Variants in KALRN observed in about 807,000 individuals in gnomAD.
KALRN encodes the protein kalirin RhoGEF kinase.
Under a neutral mutation model 353.7 loss-of-function variants are expected in KALRN, and 70 were observed. That is an observed-to-expected ratio of 0.20 (90% CI 0.16 to 0.24). The LOEUF (loss-of-function observed/expected upper bound fraction) is 0.24. KALRN is among the 10% of genes least tolerant of loss of function. The pLI, the probability that KALRN is intolerant of heterozygous loss-of-function variation, is 1.00. For missense variants in KALRN, 2,791 were observed against 3,756.7 expected (o/e 0.74, Z 6.72); for synonymous variants, 1,391 against 1,434.8 (o/e 0.97, Z 0.69).
intron 11 of KALRN, among the ~76,000 whole-genome samples, chr3:124,393,165 C>T (rs933430021): frequency 6.6e-6 from 1 of 152,142 alleles, no homozygotes; most frequent in Non-Finnish European, 1.5e-5. Flanking sequence ...GGGGTTTCGC[C>T]ATGTTGGCCA....
intron 1 of KALRN, among the ~76,000 whole-genome samples, chr3:124,202,105 T>C (rs981176440): frequency 2.0e-5 from 3 of 152,368 alleles, no homozygotes; most frequent in African/African-American, 7.2e-5. Flanking sequence ...TAGCTCAGGT[T>C]GCAAGTATGA....
intron 34 of KALRN, among the ~76,000 whole-genome samples, chr3:124,594,663 T>C (rs1007052554): frequency 6.6e-6 from 1 of 152,220 alleles, no homozygotes; most frequent in South Asian, 2.1e-4. Flanking sequence ...AAGAAATAGA[T>C]CTTTCCAGGA....
intron 14 of KALRN, among the ~76,000 whole-genome samples, chr3:124,416,227 G>A (rs2092488276): frequency 6.6e-6 from 1 of 152,206 alleles, no homozygotes; most frequent in South Asian, 2.1e-4. Flanking sequence ...CTTACTACCG[G>A]GGTGCTGATG....
At chr3:124,494,623 A>G (rs1425541234) in intron 32 of KALRN, among the ~76,000 whole-genome samples, 2 of 152,238 alleles carry the variant, frequency 1.3e-5, no homozygotes, top group African/African-American at 2.4e-5. Flanking sequence ...CAAGCCCACA[A>G]ATGATGGTGA....
At chr3:124,442,453 G>T (rs1171836251) in intron 19 of KALRN, among the ~76,000 whole-genome samples, 3 of 152,172 alleles carry the variant, frequency 2.0e-5, no homozygotes, top group Admixed American at 6.5e-5. Context: ...TACTGATTTT[G>T]ATTCCTGGTT....
chr3:124,545,809 G>A (rs577976719), intron 33 of KALRN, among the ~76,000 whole-genome samples: 46 of 152,288 alleles, frequency 3.0e-4, no homozygotes, highest in Admixed American at 2.0e-3. Context: ...ATGTCCTAGA[G>A]AGCCCAGACC....
chr3:124,051,581 G>A (rs374837194), intron 1 of KALRN, among the ~76,000 whole-genome samples: 2 of 152,100 alleles, frequency 1.3e-5, no homozygotes, highest in Non-Finnish European at 2.9e-5. Flanking sequence ...TAGATTTTTT[G>A]TTCTTCTGCT....
intron 1 of KALRN, among the ~76,000 whole-genome samples, chr3:124,108,171 G>T (rs1278749435): frequency 1.3e-5 from 2 of 152,140 alleles, no homozygotes; most frequent in Non-Finnish European, 2.9e-5. Context: ...TTTGCCCCTT[G>T]CTACCTTGGT....
Position 124,438,924 on chromosome 3 carries a change from C to G in KALRN, c.3085C>G (p.Arg1029Gly). ...SVLESLEQEY[R>G]RDEDWCGGRD... ...CCTGGAGAGCTTAGAGCAAGAATAC[C>G]GGAGAGATGAGGACTGGTGTGGTGG... The change falls in exon 18 of 60, where the codon CGG (arginine) becomes GGG (glycine). Residue 1029 changes from arginine (R) to glycine (G), a missense_variant. Transcript: ENST00000682506. 2 of 1,613,902 alleles carry G rather than the reference C, an allele frequency of 1.2e-6. No homozygotes were observed.
intron 1 of KALRN, among the ~76,000 whole-genome samples, chr3:124,175,922 C>G (rs2072672170): frequency 6.6e-6 from 1 of 152,186 alleles, no homozygotes; most frequent in South Asian, 2.1e-4. Flanking sequence ...TCAGCCTCTC[C>G]TTCAAGATAC....
At position 124,584,619 on chromosome 3, in the gene KALRN, TCCCTCCCCGCCTGGC is replaced by T. The variant is rs1175952157; in HGVS notation, c.5182+21541_5182+21555del. 11 of 1,403,952 alleles carry T rather than the reference TCCCTCCCCGCCTGGC, an allele frequency of 7.8e-6. No homozygotes were observed. In the Admixed American group the frequency reaches 3.1e-4, roughly 40 times the overall value. The allele number at this position is 1,403,952 out of a possible 1,614,324, so 87.0% of individuals were successfully genotyped here. A position where few individuals can be genotyped will look rare whatever the true frequency, so the allele number is the denominator to read the frequency against. ...CCTTGGAACTCCGCCCCTTAGGCCC[TCCCTCCCCGCCTGGC>T]CCCTCCCCGCTTCCCAAGGTGGCAG... On this transcript the variant is annotated intron_variant, in intron 34 of 59. Transcript: ENST00000682506.
At chr3:124,578,259 G>C (rs2074305878) in intron 34 of KALRN, among the ~76,000 whole-genome samples, 1 of 152,220 alleles carries the variant, frequency 6.6e-6, no homozygotes, top group Non-Finnish European at 1.5e-5. Flanking sequence ...TACTTGGAAA[G>C]AATCTTAGAT....
chr3:124,110,861 T>C (rs936116909), intron 1 of KALRN, among the ~76,000 whole-genome samples: 1 of 152,208 alleles, frequency 6.6e-6, no homozygotes, highest in African/African-American at 2.4e-5. Flanking sequence ...CAAAGTCTTC[T>C]GGGGCAGAGG....
At chr3:124,630,380 G>GTGTT (rs140992996) in intron 34 of KALRN, among the ~76,000 whole-genome samples, 53,667 of 149,962 alleles carry the variant, frequency 0.36, 10,741 homozygotes, top group Middle Eastern at 0.54. Flanking sequence ...AGGCCCAGTA[G>GTGTT]TGTTTGTTTG....
chr3:124,107,707 G>A (rs2062437284), intron 1 of KALRN, among the ~76,000 whole-genome samples: 1 of 152,180 alleles, frequency 6.6e-6, no homozygotes, highest in Non-Finnish European at 1.5e-5. Context: ...GGCAGAGGCA[G>A]CACATACATA....
At chr3:124,197,138 C>T (rs1021922001) in intron 1 of KALRN, among the ~76,000 whole-genome samples, 1 of 152,048 alleles carries the variant, frequency 6.6e-6, no homozygotes, top group African/African-American at 2.4e-5. Context: ...GTCGTTTACC[C>T]TTTGCATACA....
At chr3:124,686,764 G>A (rs2061576513) in intron 51 of KALRN, among the ~76,000 whole-genome samples, 2 of 149,006 alleles carry the variant, frequency 1.3e-5, no homozygotes, top group African/African-American at 2.5e-5. Flanking sequence ...TGTGCTTTAG[G>A]AAGGTAACCA....
chr3:124,489,711 A>ACAGC (rs2062935721), intron 29 of KALRN, among the ~76,000 whole-genome samples: 6 of 152,118 alleles, frequency 3.9e-5, no homozygotes, highest in African/African-American at 1.4e-4. Flanking sequence ...TACTCCATGC[A>ACAGC]TGGTCTGTTT....
chr3:124,459,574 T>C (rs2107649880), intron 23 of KALRN, among the ~76,000 whole-genome samples: 1 of 152,320 alleles, frequency 6.6e-6, no homozygotes, highest in South Asian at 2.1e-4. Flanking sequence ...AACATTTCAC[T>C]CTAATCAAGA....
Sources: allele counts gnomAD v4.1 joint callset (sites outside exome capture counted in the v4.1 genomes callset), GRCh38; gene constraint gnomAD v4.1.1; transcripts MANE v1.5; gene names NCBI Gene and HGNC (gene_info 2026-07-23, HGNC 2026-07-21).